The following RTRAF variants were observed in gnomAD, a reference collection of about 807,000 sequenced individuals.
RTRAF encodes the protein tRNA-splicing ligase complex subunit RTRAF.
A neutral mutation model predicts 34.4 loss-of-function variants in RTRAF; 14 were observed. That is an observed-to-expected ratio of 0.41 (90% CI 0.27 to 0.64). RTRAF has a LOEUF of 0.64. Ranked by LOEUF, RTRAF falls within the 30% of genes least tolerant of loss-of-function variation. The probability of loss-of-function intolerance (pLI) is 0.34; values close to 1 mark genes in which losing one functional copy is unlikely to be tolerated. For missense variants in RTRAF, 291 were observed against 288.4 expected (o/e 1.01, Z -0.06); for synonymous variants, 96 against 95.3 (o/e 1.01, Z -0.04).
intron 6 of RTRAF, 73 bp downstream of exon 6, chr14:52,001,939 C>A: frequency 2.4e-6 from 3 of 1,262,838 alleles, no homozygotes; most frequent in Non-Finnish European, 3.4e-6. Context: ...TTAAACTTTG[C>A]ATGTATCTGT....
intron 5 of RTRAF, among the ~76,000 whole-genome samples, chr14:52,000,949 C>T (rs557108188): frequency 6.6e-6 from 1 of 152,200 alleles, no homozygotes; most frequent in South Asian, 2.1e-4. Context: ...AATTCTAGTC[C>T]TGCTGCACAT....
At chr14:51,994,309 A>T (rs955038309) in intron 3 of RTRAF, among the ~76,000 whole-genome samples, 2 of 152,186 alleles carry the variant, frequency 1.3e-5, no homozygotes, top group Non-Finnish European at 2.9e-5. Flanking sequence ...TTTTCTTTAA[A>T]CGGGTGTTTT....
At position 52,007,920 on chromosome 14, in the gene RTRAF, G is replaced by A. The variant is rs776337558; in HGVS notation, c.*3404G>A. 2.2e-5 allele frequency: 36 copies of A among 1,613,268 alleles called. No homozygotes were observed. Among genetic ancestry groups the A allele is most frequent in the Middle Eastern group, 1.6e-4 (1 of 6,082 alleles). ...TCTGTTTTCTCCATCTAAAGATGAC[G>A]TTTCAATTTTAGGAGCTTCTCTATT... On this transcript the variant is annotated 3_prime_UTR_variant, in exon 8 of 8. Transcript: ENST00000261700.
Position 52,004,429 on chromosome 14 carries a change from G to A in RTRAF, c.648G>A (p.Gln216=). The change falls in exon 8 of 8, where the codon CAG becomes CAA. Residue 216 remains glutamine, a synonymous_variant. Transcript: ENST00000261700. ...ACATAGAGGAGCTCAGAGAGCTACA[G>A]ACAAAAATCAACGAAGCCATAGTAG... The part of the protein sequence containing the change: ...LLHIEELREL[Q]TKINEAIVAV... 6.2e-7 allele frequency: 1 copy of A among 1,613,962 alleles called. No individual in the cohort carries two copies. The highest frequency in any genetic ancestry group is 8.5e-7 in the Non-Finnish European group (1 of 1,179,904).
chr14:51,989,613 G>A lies in RTRAF; in HGVS notation c.-27G>A. On this transcript the variant is annotated 5_prime_UTR_variant, in exon 1 of 8. Coordinates refer to ENST00000261700, the MANE Select transcript of RTRAF (RefSeq NM_016039.3). ...GCTTCTTCTCTCCCGGCCGAGGCCC[G>A]GGGGACCAGAGCGAGAAGCGGGGAC... is the stretch of plus-strand genomic sequence containing the variant. 1 of 1,589,512 alleles carries A rather than the reference G, an allele frequency of 6.3e-7. No homozygotes were observed.
rs1890733261 is a variant in RTRAF at position 52,005,470 on chromosome 14, CTT to C, written c.*956_*957del. 6.3e-7 allele frequency: 1 copy of C among 1,585,540 alleles called. No individual in the cohort carries two copies. The highest frequency in any genetic ancestry group is 8.6e-7 in the Non-Finnish European group (1 of 1,168,644). The stretch of plus-strand genomic sequence containing the variant: ...TTCTGATTGTAAACTCCAAGTCTTC[CTT>C]TACATTACTGTACTTACTTTCTTCC... On this transcript the variant is annotated 3_prime_UTR_variant, in exon 8 of 8. Coordinates refer to ENST00000261700, the MANE Select transcript of RTRAF (RefSeq NM_016039.3).
chr14:52,007,850 G>A lies in RTRAF; in HGVS notation c.*3334G>A, dbSNP rs1007130921. 1.9e-6 allele frequency: 3 copies of A among 1,613,992 alleles called. No homozygotes were observed. Among genetic ancestry groups the A allele is most frequent in the African/African-American group, 1.3e-5 (1 of 75,050 alleles). ...AGAGCAGTTTAGAGAAAGGGTCAAA[G>A]GTTAAGCCATTGGGCAATCCAATGT... On this transcript the variant is annotated 3_prime_UTR_variant, in exon 8 of 8. Transcript: ENST00000261700.
At position 52,005,620 on chromosome 14, in the gene RTRAF, C is replaced by T; in HGVS notation, c.*1104C>T. The T allele has an allele frequency of 7.0e-7, 1 of 1,424,346 alleles. No homozygotes were observed. The highest frequency in any genetic ancestry group is 9.9e-7 in the Non-Finnish European group (1 of 1,013,856). 88.2% of individuals were successfully genotyped at this position (1,424,346 alleles called of 1,614,324 possible). A position where few individuals can be genotyped will look rare whatever the true frequency, so the allele number is the denominator to read the frequency against. Reference sequence around the variant, plus strand: ...ATTTAAGGTAGTAAAGACTGGCCCTCAGGGCAGGAAGAAGGCAATGGTGGC... The same window carrying T: ...ATTTAAGGTAGTAAAGACTGGCCCTTAGGGCAGGAAGAAGGCAATGGTGGC... On this transcript the variant is annotated 3_prime_UTR_variant, in exon 8 of 8. Transcript: ENST00000261700.
Position 52,005,260 on chromosome 14 carries a change from AC to A in RTRAF, c.*746del. On this transcript the variant is annotated 3_prime_UTR_variant, in exon 8 of 8. Coordinates refer to ENST00000261700, the MANE Select transcript of RTRAF (RefSeq NM_016039.3). ...AATAAGCAACAGTTAAAATTCTGTTACCTTTTTAAACTTGCAATAACAACCT... is the reference window on the plus strand; with the variant it reads ...AATAAGCAACAGTTAAAATTCTGTTACTTTTTAAACTTGCAATAACAACCT... 2 of 391,148 alleles carry A rather than the reference AC, an allele frequency of 5.1e-6. No individual in the cohort carries two copies. The highest frequency in any genetic ancestry group is 7.4e-5 in the East Asian group (2 of 27,132). 24.2% of individuals were successfully genotyped at this position (391,148 alleles called of 1,614,324 possible). A position where few individuals can be genotyped will look rare whatever the true frequency, so the allele number is the denominator to read the frequency against.
rs1005486596 is a variant in RTRAF, at chr14:52,008,615, A to G, written c.*4099A>G. On this transcript the variant is annotated 3_prime_UTR_variant, in exon 8 of 8. Coordinates refer to ENST00000261700, the MANE Select transcript of RTRAF (RefSeq NM_016039.3). Reference sequence around the variant, plus strand: ...TTGTCACTATGTGGGAGAAGTCATTACTAAGTTACTATCAGAATCCCTGCC... The same window carrying G: ...TTGTCACTATGTGGGAGAAGTCATTGCTAAGTTACTATCAGAATCCCTGCC... The G allele has an allele frequency of 6.6e-6, 1 of 152,234 alleles. No individual in the cohort carries two copies. The allele number at this position is 152,234 out of a possible 1,614,324, so 9.4% of individuals were successfully genotyped here.
At chr14:52,003,666 T>A (rs186256699) in intron 6 of RTRAF, among the ~76,000 whole-genome samples, 234 of 149,112 alleles carry the variant, frequency 1.6e-3, no homozygotes, top group African/African-American at 5.7e-3. Context: ...TCCTAGACTG[T>A]TTGTTTCAAA....
At chr14:51,994,264 A>C (rs1359514870) in intron 3 of RTRAF, among the ~76,000 whole-genome samples, 1 of 152,202 alleles carries the variant, frequency 6.6e-6, no homozygotes, top group Non-Finnish European at 1.5e-5. Flanking sequence ...TATGGTTGGA[A>C]GCTTCTGAAT....
chr14:51,990,117 C>T (rs1378246418), intron 1 of RTRAF, among the ~76,000 whole-genome samples: 1 of 152,136 alleles, frequency 6.6e-6, no homozygotes, highest in African/African-American at 2.4e-5. Flanking sequence ...TAGTTCACTG[C>T]CTGCCAGGAG....
intron 2 of RTRAF, 136 bp downstream of exon 2, chr14:51,991,577 T>G (rs577567827): frequency 1.4e-5 from 15 of 1,084,484 alleles, no homozygotes; most frequent in Non-Finnish European, 2.0e-5. Context: ...TCAGGGATTT[T>G]GCTTTTTTCT....
At chr14:51,990,829 A>G (rs761929518) in intron 1 of RTRAF, among the ~76,000 whole-genome samples, 1 of 152,094 alleles carries the variant, frequency 6.6e-6, no homozygotes, top group Non-Finnish European at 1.5e-5. Context: ...TTTGTTGTAT[A>G]TTTTACTTTA....
intron 6 of RTRAF, among the ~76,000 whole-genome samples, chr14:52,002,301 A>G (rs1594988290): frequency 1.3e-5 from 2 of 152,160 alleles, no homozygotes; most frequent in South Asian, 4.2e-4. Flanking sequence ...GTTTTATTCA[A>G]TTTCCTGGCA....
At chr14:52,002,190 T>C (rs995518468) in intron 6 of RTRAF, among the ~76,000 whole-genome samples, 5 of 152,232 alleles carry the variant, frequency 3.3e-5, no homozygotes, top group African/African-American at 1.2e-4. Flanking sequence ...CTGGATTATT[T>C]TGACTCATGC....
chr14:51,996,850 A>G (rs111921927), intron 3 of RTRAF, among the ~76,000 whole-genome samples: 23 of 152,162 alleles, frequency 1.5e-4, no homozygotes, highest in African/African-American at 5.1e-4. Flanking sequence ...TATGCACCGC[A>G]TTAGTTGTTA....
At chr14:52,003,760 G>A (rs1461648462) in intron 6 of RTRAF, among the ~76,000 whole-genome samples, 4 of 152,224 alleles carry the variant, frequency 2.6e-5, no homozygotes, top group Admixed American at 6.5e-5. Context: ...TGAAAGGTTC[G>A]TACAATTTGT....
Sources: gnomAD v4.1 joint callset for allele counts (sites outside exome capture counted in the v4.1 genomes callset) on GRCh38, gnomAD v4.1.1 for gene constraint, MANE v1.5 for transcripts, NCBI Gene and HGNC (gene_info 2026-07-23, HGNC 2026-07-21) for gene names.